PRKCI: variants seen among roughly 807,000 people sequenced by gnomAD.
PRKCI encodes protein kinase C iota.
A neutral mutation model predicts 84.0 loss-of-function variants in PRKCI; 43 were observed. That is an observed-to-expected ratio of 0.51 (90% CI 0.40 to 0.66). PRKCI has a LOEUF of 0.66. Ranked by LOEUF, PRKCI falls within the 30% of genes least tolerant of loss-of-function variation. The pLI is 0.00. For missense variants in PRKCI, 459 were observed against 745.6 expected, an observed-to-expected ratio of 0.62 and a Z score of 4.48; for synonymous variants, 216 against 234.4, an observed-to-expected ratio of 0.92 and a Z score of 0.72.
Position 170,300,583 on chromosome 3 carries a change from C to A in PRKCI, c.1703+1473C>A, listed in dbSNP as rs1006493269. Among the ~76,000 whole-genome samples the A allele has an allele frequency of 1.2e-3, 153 of 132,436 alleles. 1 individual carries two copies. Among genetic ancestry groups the A allele is most frequent in the African/African-American group, 3.4e-3 (124 of 36,218 alleles). 86.9% of individuals were successfully genotyped at this position (132,436 alleles called of 152,430 possible). On this transcript the variant is annotated intron_variant, in intron 17 of 17. Transcript: ENST00000295797. ...TCATTTTCATTTCATCTTAAAGCCT[C>A]AAAAAAAAAAAAGTTAATAGATGTT...
At position 170,234,031 on chromosome 3, in the gene PRKCI, C is replaced by CTTTTT. The variant is rs386398519; in HGVS notation, c.102-1184_102-1180dup. On this transcript the variant is annotated intron_variant, in intron 1 of 17. Transcript: ENST00000295797. ...CCACCACACCCAGCCTATACTTACACTTTTTTTTTTTTTTTTTTTGAGATG... is the reference window on the plus strand; with the variant it reads ...CCACCACACCCAGCCTATACTTACACTTTTTTTTTTTTTTTTTTTTTTTTGAGATG... Among the ~76,000 whole-genome samples the CTTTTT allele has an allele frequency of 3.9e-3, 365 of 93,272 alleles. 28 individuals are homozygous for CTTTTT. The highest frequency in any genetic ancestry group is 4.9e-3 in the African/African-American group (115 of 23,306). 61.2% of individuals were successfully genotyped at this position (93,272 alleles called of 152,430 possible).
At chr3:170,256,865 T>A (rs1336682910) in intron 2 of PRKCI, among the ~76,000 whole-genome samples, 2 of 152,160 alleles carry the variant, frequency 1.3e-5, no homozygotes, top group Non-Finnish European at 2.9e-5. Flanking sequence ...TTGGTAGTAG[T>A]TGTGTTTCTA....
intron 13 of PRKCI, among the ~76,000 whole-genome samples, chr3:170,293,040 CAAAAAAAAA>C (rs1202831307): frequency 7.5e-4 from 50 of 66,226 alleles, no homozygotes; most frequent in African/African-American, 2.7e-3. Context: ...GACCCCATCT[CAAAAAAAAA>C]AAAAAAAAGA....
intron 12 of PRKCI, among the ~76,000 whole-genome samples, chr3:170,290,907 G>A (rs1167639663): frequency 6.6e-6 from 1 of 152,056 alleles, no homozygotes; most frequent in African/African-American, 2.4e-5. Flanking sequence ...GGAGGCCGAG[G>A]TGGGCAGATC....
rs148843944 is a variant in PRKCI, at chr3:170,270,486, C to G, written c.516C>G (p.Ile172Met). Reference protein sequence around the residue: ...WGLGRQGYKCINCKLLVHKKC... With the variant: ...WGLGRQGYKCMNCKLLVHKKC... The stretch of plus-strand genomic sequence containing the variant: ...TTGGACGCCAAGGATATAAGTGCAT[C>G]AACTGCAAACTCTTGGTTCATAAGA... The change falls in exon 6 of 18, where the codon ATC (isoleucine) becomes ATG (methionine). Residue 172 changes from isoleucine (I) to methionine (M), a missense_variant. Ile to Met is a conservative substitution (Grantham distance 10). Transcript: ENST00000295797. The G allele has an allele frequency of 6.2e-7, 1 of 1,613,114 alleles. No homozygotes were observed. Among genetic ancestry groups the G allele is most frequent in the African/African-American group, 1.3e-5 (1 of 74,702 alleles).
intron 16 of PRKCI, among the ~76,000 whole-genome samples, chr3:170,297,883 AT>A (rs1194422509): frequency 6.6e-6 from 1 of 151,104 alleles, no homozygotes; most frequent in Non-Finnish European, 1.5e-5. Context: ...TTAATTTATT[AT>A]TTTTTTTCTG....
chr3:170,278,100 T>A (rs1292939560), intron 8 of PRKCI, among the ~76,000 whole-genome samples: 1 of 152,260 alleles, frequency 6.6e-6, no homozygotes, highest in African/African-American at 2.4e-5. Flanking sequence ...AGCTGTTTTC[T>A]TCTTTTTTAG....
chr3:170,288,782 A>G (rs529442184), intron 12 of PRKCI, among the ~76,000 whole-genome samples: 1 of 152,344 alleles, frequency 6.6e-6, no homozygotes, highest in East Asian at 1.9e-4. Flanking sequence ...AAAATAAAAT[A>G]AAAAATAAAG....
intron 2 of PRKCI, among the ~76,000 whole-genome samples, chr3:170,248,662 C>T (rs1733356391): frequency 2.0e-5 from 3 of 152,096 alleles, no homozygotes; most frequent in African/African-American, 2.4e-5. Flanking sequence ...TTTGAACATA[C>T]GTAGAATCAG....
intron 2 of PRKCI, among the ~76,000 whole-genome samples, chr3:170,238,909 T>C (rs760558493): frequency 6.6e-6 from 1 of 151,894 alleles, no homozygotes; most frequent in Admixed American, 6.6e-5. Context: ...TTATTTCTCT[T>C]TTAATACAGA....
chr3:170,281,940 C>T lies in PRKCI; in HGVS notation c.1039C>T (p.Gln347Ter). The part of the protein sequence containing the change: ...GGDLMFHMQR[Q>*]RKLPEEHARF... ...AGACCTAATGTTTCATATGCAGCGA[C>T]AAAGAAAACTTCCTGAAGAACATGC... Residue 347 changes from glutamine to a stop codon, truncating the protein, a stop_gained, in exon 11 of 18, where the codon CAA (glutamine) becomes TAA (stop). Coordinates refer to ENST00000295797, the MANE Select transcript of PRKCI (RefSeq NM_002740.6). LOFTEE classifies it high-confidence loss of function. The T allele has an allele frequency of 6.2e-7, 1 of 1,611,338 alleles. No homozygotes were observed. Among genetic ancestry groups the T allele is most frequent in the Non-Finnish European group, 8.5e-7 (1 of 1,178,632 alleles).
At chr3:170,257,483 A>G (rs1415160782) in intron 2 of PRKCI, among the ~76,000 whole-genome samples, 1 of 152,190 alleles carries the variant, frequency 6.6e-6, no homozygotes, top group Non-Finnish European at 1.5e-5. Context: ...TTGTTTCATT[A>G]TAAAAGATTA....
At chr3:170,262,160 T>C (rs1400850592) in intron 3 of PRKCI, among the ~76,000 whole-genome samples, 2 of 152,236 alleles carry the variant, frequency 1.3e-5, no homozygotes, top group Non-Finnish European at 2.9e-5. Flanking sequence ...TACCTTGTTA[T>C]AAAAATGGTT....
At chr3:170,248,383 A>G (rs1003722435) in intron 2 of PRKCI, among the ~76,000 whole-genome samples, 95 of 74,016 alleles carry the variant, frequency 1.3e-3, no homozygotes, top group Admixed American at 3.1e-3. Context: ...GGGGGGGGAA[A>G]AAACCTGCTG....
At chr3:170,284,414 A>T in intron 11 of PRKCI, 47 bp from the exon 12 acceptor site, 1 of 1,447,164 alleles carries the variant, frequency 6.9e-7, no homozygotes, top group Admixed American at 2.1e-5. Context: ...TAAATGTAGA[A>T]CTTAAATATG....
At chr3:170,282,157 T>G (rs1734263987) in intron 11 of PRKCI, among the ~76,000 whole-genome samples, 189 bp downstream of exon 11, 1 of 152,184 alleles carries the variant, frequency 6.6e-6, no homozygotes, top group Non-Finnish European at 1.5e-5. Context: ...TCTTTTACAT[T>G]TATACACATA....
rs772845526 is a variant in PRKCI at position 170,281,282 on chromosome 3, A to G, written c.980+19A>G. On this transcript the variant is annotated intron_variant, in intron 10 of 17. Coordinates refer to ENST00000295797, the MANE Select transcript of PRKCI (RefSeq NM_002740.6). Reference sequence around the variant, plus strand: ...AAAGCAGGTAAGATTGAAAGATAGTAGAATGATTACTGGGCTTCATATTTT... The same window carrying G: ...AAAGCAGGTAAGATTGAAAGATAGTGGAATGATTACTGGGCTTCATATTTT... 6.3e-7 allele frequency: 1 copy of G among 1,598,228 alleles called. No homozygotes were observed. Among genetic ancestry groups the G allele is most frequent in the South Asian group, 1.1e-5 (1 of 90,772 alleles).
At chr3:170,281,142 G>C in intron 9 of PRKCI, 24 bp from the exon 10 acceptor site, 1 of 1,584,102 alleles carries the variant, frequency 6.3e-7, no homozygotes, top group Non-Finnish European at 8.7e-7. Flanking sequence ...GTTTGACATA[G>C]ATTTCTTACA....
Position 170,303,122 on chromosome 3 carries a change from G to A in PRKCI, c.1786G>A (p.Val596Ile). ...TCTTTTGATGTCTGCAGAAGAATGT[G>A]TCTGATCCTCATTTTTCAACCATGT... ...NPLLMSAEEC[V>I] The change falls in exon 18 of 18, where the codon GTC (valine) becomes ATC (isoleucine). Residue 596 changes from valine to isoleucine, a missense_variant. Physicochemically the swap from Val to Ile is conservative, Grantham distance 29 (BLOSUM62 3). This residue lies in a region of PRKCI where 209 missense variants were observed against 425.9 expected (regional missense o/e 0.49). Coordinates refer to ENST00000295797, the MANE Select transcript of PRKCI (RefSeq NM_002740.6). 1 of 1,595,380 alleles carries A rather than the reference G, an allele frequency of 6.3e-7. No homozygotes were observed. Among genetic ancestry groups the A allele is most frequent in the Non-Finnish European group, 8.5e-7 (1 of 1,170,018 alleles).
Sources: gnomAD v4.1 joint callset for allele counts (sites outside exome capture counted in the v4.1 genomes callset) on GRCh38, gnomAD v4.1.1 for gene constraint, gnomAD v4.1.1 regional missense constraint, MANE v1.5 for transcripts, NCBI Gene and HGNC (gene_info 2026-07-23, HGNC 2026-07-21) for gene names.